The following PANK1 variants were observed in gnomAD, a reference collection of about 807,000 sequenced individuals.
PANK1 encodes the protein pantothenic acid kinase 1.
A neutral mutation model predicts 40.1 loss-of-function variants in PANK1; 18 were observed. That is an observed-to-expected ratio of 0.45 (90% CI 0.31 to 0.67). The LOEUF is 0.67. Among genes scored for constraint, PANK1 ranks in the 30% least tolerant of loss-of-function variants. PANK1 has a pLI of 0.06. For missense variants in PANK1, 457 were observed against 599.6 expected (o/e 0.76, Z 2.48); for synonymous variants, 242 against 237.7 (o/e 1.02, Z -0.17).
rs189971146 is a variant in PANK1, at chr10:89,624,155, T to C, written c.293-12107A>G. ...AATTCCTTTCAGAACTTCTGAGGCA[T>C]GTAGAAGTATTATCACCGGAGTCAC... On this transcript the variant is annotated intron_variant, in intron 1 of 6. Transcript: ENST00000307534. Among the ~76,000 whole-genome samples, 186 of 152,326 alleles carry C rather than the reference T, an allele frequency of 1.2e-3. 2 individuals are homozygous for C. Among genetic ancestry groups the C allele is most frequent in the African/African-American group, 4.3e-3 (177 of 41,580 alleles).
chr10:89,602,780 A>G (rs1844825647), intron 2 of PANK1, among the ~76,000 whole-genome samples: 1 of 152,216 alleles, frequency 6.6e-6, no homozygotes, highest in Non-Finnish European at 1.5e-5. Flanking sequence ...GTAGCAAACA[A>G]GTCAACCTGC....
intron 3 of PANK1, among the ~76,000 whole-genome samples, chr10:89,598,617 C>T (rs11592280): frequency 0.052 from 7,974 of 152,216 alleles, 291 homozygotes; most frequent in East Asian, 0.12. Context: ...ATGTTGAATA[C>T]CCGTTAACAG....
intron 1 of PANK1, among the ~76,000 whole-genome samples, chr10:89,619,411 C>T (rs1006124209): frequency 6.6e-6 from 1 of 152,110 alleles, no homozygotes; most frequent in African/African-American, 2.4e-5. Flanking sequence ...TTCTATCAAT[C>T]GAGGAAACAA....
At chr10:89,579,621 A>G (rs557061812), downstream of PANK1, 5 of 152,336 alleles carry the variant, frequency 3.3e-5, no homozygotes, top group East Asian at 7.7e-4. Flanking sequence ...GGCAAGAATG[A>G]AAGCAAGGTG....
At chr10:89,605,887 T>C (rs995678923) in intron 2 of PANK1, among the ~76,000 whole-genome samples, 40 of 152,210 alleles carry the variant, frequency 2.6e-4, no homozygotes, top group African/African-American at 8.0e-4. Flanking sequence ...TAGAAACTTG[T>C]AATTATTCCT....
At chr10:89,623,427 T>C (rs1009087314) in intron 1 of PANK1, among the ~76,000 whole-genome samples, 1 of 152,004 alleles carries the variant, frequency 6.6e-6, no homozygotes, top group African/African-American at 2.4e-5. Flanking sequence ...GGTTTCACCA[T>C]GTTAGCCAGG....
chr10:89,605,188 C>A (rs572138508), intron 2 of PANK1, among the ~76,000 whole-genome samples: 1 of 152,182 alleles, frequency 6.6e-6, no homozygotes, highest in South Asian at 2.1e-4. Context: ...ATGTTGAGAG[C>A]TGCTGACTAA....
At chr10:89,630,551 G>A (rs932277471) in intron 1 of PANK1, among the ~76,000 whole-genome samples, 4 of 151,022 alleles carry the variant, frequency 2.6e-5, no homozygotes, top group African/African-American at 4.9e-5. Context: ...GGAGTGCAGC[G>A]GCGCGATCTT....
intron 1 of PANK1, among the ~76,000 whole-genome samples, chr10:89,633,157 T>C (rs1326368021): frequency 1.3e-5 from 2 of 152,034 alleles, no homozygotes; most frequent in Non-Finnish European, 2.9e-5. Flanking sequence ...ATATCCATGA[T>C]GGCCAGTTTC....
At chr10:89,592,597 T>G in intron 5 of PANK1, 1 of 438,188 alleles carries the variant, frequency 2.3e-6, no homozygotes, top group South Asian at 1.7e-5. Context: ...TGAAGAGTTC[T>G]ACTTTATACA....
At chr10:89,609,066 TA>T (rs1489900704) in intron 2 of PANK1, among the ~76,000 whole-genome samples, 1 of 152,204 alleles carries the variant, frequency 6.6e-6, no homozygotes, top group African/African-American at 2.4e-5. Flanking sequence ...ATATATTCCA[TA>T]TTCACTTTCT....
intron 2 of PANK1, among the ~76,000 whole-genome samples, chr10:89,609,834 C>T (rs113649069): frequency 6.4e-4 from 97 of 152,312 alleles, no homozygotes; most frequent in Middle Eastern, 3.4e-3. Flanking sequence ...GAGAAATACA[C>T]CTGCTCATGG....
chr10:89,633,292 G>A (rs1460448141), intron 1 of PANK1, among the ~76,000 whole-genome samples: 1 of 152,100 alleles, frequency 6.6e-6, no homozygotes, highest in Admixed American at 6.5e-5. Flanking sequence ...GATAATCCCA[G>A]CCTATATCTG....
intron 1 of PANK1, among the ~76,000 whole-genome samples, chr10:89,629,042 GAGAAACCAGGAAAGCA>G (rs1227217828): frequency 6.6e-6 from 1 of 152,190 alleles, no homozygotes; most frequent in East Asian, 1.9e-4. Context: ...TCCGAATGCA[GAGAAACCAGGAAAGCA>G]AGTCTGTTAA....
chr10:89,607,852 A>G (rs541678981), intron 2 of PANK1, among the ~76,000 whole-genome samples: 1 of 152,180 alleles, frequency 6.6e-6, no homozygotes, highest in Non-Finnish European at 1.5e-5. Flanking sequence ...ACAGCCATGC[A>G]GAGTTCTCCA....
rs768640094 is a variant in PANK1, at chr10:89,593,263, G to A, written c.1134C>T (p.Ala378=). The change falls in exon 5 of 7, where the codon GCC becomes GCT. Residue 378 remains alanine (A), a synonymous_variant. Coordinates refer to ENST00000307534, the MANE Select transcript of PANK1 (RefSeq NM_148977.3). ...KRDSISKEDL[A]RATLVTITNN... is the part of the protein sequence containing the mutation. ...TGGTGATGGTGACCAATGTGGCCCGGGCGAGGTCTTCCTTGCTGATGGAAT... is the reference window on the plus strand; with the variant it reads ...TGGTGATGGTGACCAATGTGGCCCGAGCGAGGTCTTCCTTGCTGATGGAAT... 6.2e-6 allele frequency: 10 copies of A among 1,613,722 alleles called. No individual in the cohort carries two copies. In the Admixed American group the frequency reaches 8.3e-5, roughly 13 times the overall value.
At chr10:89,600,213 C>T (rs1357265957) in intron 2 of PANK1, among the ~76,000 whole-genome samples, 4 of 152,132 alleles carry the variant, frequency 2.6e-5, no homozygotes, top group African/African-American at 9.7e-5. Flanking sequence ...GGGAATGCTG[C>T]CAAGAAAGAG....
rs537067271 is a variant in PANK1 at position 89,599,601 on chromosome 10, T to C, written c.646-96A>G. 88 of 1,190,088 alleles carry C rather than the reference T, an allele frequency of 7.4e-5. No homozygotes were observed. The South Asian group carries it at 1.2e-3, about 17-fold the overall frequency. The allele number at this position is 1,190,088 out of a possible 1,614,324, so 73.7% of individuals were successfully genotyped here. A position where few individuals can be genotyped will look rare whatever the true frequency, so the allele number is the denominator to read the frequency against. On this transcript the variant is annotated intron_variant, in intron 2 of 6. Coordinates refer to ENST00000307534, the MANE Select transcript of PANK1 (RefSeq NM_148977.3). ...TTTATTTAAGATGGGGTCATTCACA[T>C]GAAAAGCATGGAGACACCCTTAAAA...
chr10:89,613,930 A>G (rs1030458973), intron 1 of PANK1: 1 of 456,022 alleles, frequency 2.2e-6, no homozygotes, highest in African/African-American at 2.0e-5. Context: ...AGCTCCTTCT[A>G]CCTCTTTGGA....
Sources: gnomAD v4.1 joint callset for allele counts (sites outside exome capture counted in the v4.1 genomes callset) on GRCh38, gnomAD v4.1.1 for gene constraint, MANE v1.5 for transcripts, NCBI Gene and HGNC (gene_info 2026-07-23, HGNC 2026-07-21) for gene names.